CHKA: variants seen among roughly 807,000 people sequenced by gnomAD.
CHKA encodes CHETK-alpha.
In CHKA, 34 loss-of-function variants were observed where a neutral mutation model predicts 60.1. The observed-to-expected ratio is 0.57, with a 90% CI of 0.43 to 0.75. CHKA has a LOEUF of 0.75. Among genes scored for constraint, CHKA ranks in the 30% least tolerant of loss-of-function variants. CHKA has a pLI of 0.00. For missense variants in CHKA, 563 were observed against 561.3 expected (o/e 1.00, Z -0.03); for synonymous variants, 217 against 223.1 (o/e 0.97, Z 0.24).
intron 1 of CHKA, among the ~76,000 whole-genome samples, chr11:68,113,159 G>A (rs78747784): frequency 7.0e-6 from 1 of 143,152 alleles, no homozygotes; most frequent in African/African-American, 2.6e-5. Flanking sequence ...ATTTTAAAAT[G>A]GGCAAGAAGC....
At chr11:68,085,176 T>C (rs1467684428) in intron 2 of CHKA, among the ~76,000 whole-genome samples, 2 of 152,084 alleles carry the variant, frequency 1.3e-5, no homozygotes, top group East Asian at 3.8e-4. Context: ...ACAGCATTAA[T>C]AAAGGAGGCA....
chr11:68,053,661 ACT>A lies in CHKA; in HGVS notation c.*325_*326del, dbSNP rs1296269642. ...AAAGTACCTGCAAGTAACACTGCTT[ACT>A]CTTGCTGTTTGCCTCATCTGACTGG... On this transcript the variant is annotated 3_prime_UTR_variant, in exon 12 of 12. Transcript: ENST00000265689. 2.4e-5 allele frequency: 7 copies of A among 292,148 alleles called. No homozygotes were observed. The highest frequency in any genetic ancestry group is 4.4e-5 in the African/African-American group (2 of 45,792). 18.1% of individuals were successfully genotyped at this position (292,148 alleles called of 1,614,324 possible). A position where few individuals can be genotyped will look rare whatever the true frequency, so the allele number is the denominator to read the frequency against.
chr11:68,118,535 T>C lies in CHKA; in HGVS notation c.350+2293A>G, dbSNP rs546301968. 9.8e-5 allele frequency among the ~76,000 whole-genome samples: 15 copies of C among 152,352 alleles called. No individual in the cohort carries two copies. The East Asian group carries it at 2.9e-3, about 29-fold the overall frequency. ...ACTGCAACTGCCTATGGAGAATCAC[T>C]GAATTTCAACCAGACGAATTCCTCT... On this transcript the variant is annotated intron_variant, in intron 1 of 11. Coordinates refer to ENST00000265689, the MANE Select transcript of CHKA (RefSeq NM_001277.3).
intron 1 of CHKA, among the ~76,000 whole-genome samples, chr11:68,115,970 A>G (rs1858368996): frequency 2.0e-5 from 3 of 152,236 alleles, no homozygotes; most frequent in African/African-American, 2.4e-5. Context: ...TGATGGCACC[A>G]TAAGACACAA....
rs187291649 is a variant in CHKA at position 68,059,534 on chromosome 11, A to G, written c.1314+2419T>C. Among the ~76,000 whole-genome samples the G allele has an allele frequency of 3.9e-3, 590 of 152,348 alleles. 4 individuals carry two copies. Among genetic ancestry groups the G allele is most frequent in the African/African-American group, 0.014 (562 of 41,570 alleles). ...TGGAATATAAACATTTAAGCTACAA[A>G]GCCGTAAGTTTCTAGATACTGCTTT... On this transcript the variant is annotated intron_variant, in intron 11 of 11. Coordinates refer to ENST00000265689, the MANE Select transcript of CHKA (RefSeq NM_001277.3).
intron 11 of CHKA, among the ~76,000 whole-genome samples, chr11:68,060,844 C>A (rs1459172221): frequency 6.6e-6 from 1 of 152,038 alleles, no homozygotes; most frequent in Non-Finnish European, 1.5e-5. Context: ...ATCCAATGTC[C>A]CCTTCTTTTA....
chr11:68,054,318 A>C (rs1041403187), intron 11 of CHKA, among the ~76,000 whole-genome samples: 3 of 152,168 alleles, frequency 2.0e-5, no homozygotes, highest in African/African-American at 7.2e-5. Flanking sequence ...CTCAGGATGA[A>C]CGTCTCATCC....
intron 2 of CHKA, among the ~76,000 whole-genome samples, chr11:68,096,280 G>A (rs1017905096): frequency 3.9e-5 from 6 of 152,078 alleles, no homozygotes; most frequent in Admixed American, 2.0e-4. Context: ...AGAATCACTT[G>A]AACCCGGGAG....
intron 7 of CHKA, among the ~76,000 whole-genome samples, chr11:68,067,872 G>T (rs1413504324): frequency 6.6e-6 from 1 of 152,202 alleles, no homozygotes; most frequent in Non-Finnish European, 1.5e-5. Context: ...AATGGCTTAT[G>T]GATGACGAGT....
chr11:68,110,245 C>T (rs1348296299), intron 1 of CHKA, among the ~76,000 whole-genome samples: 2 of 152,046 alleles, frequency 1.3e-5, no homozygotes, highest in African/African-American at 4.8e-5. Context: ...CCACTTTTTT[C>T]CAACATCATA....
chr11:68,062,053 G>A lies in CHKA; in HGVS notation c.1233-19C>T. ...GGCAAACCTGGAATGATAAAAGCAA[G>A]AAACATATAAGAGACATACAGTATC... On this transcript the variant is annotated intron_variant, in intron 10 of 11. Coordinates refer to ENST00000265689, the MANE Select transcript of CHKA (RefSeq NM_001277.3). 6.6e-7 allele frequency: 1 copy of A among 1,519,446 alleles called. No homozygotes were observed. 94.1% of individuals were successfully genotyped at this position (1,519,446 alleles called of 1,614,324 possible).
rs1272902805 is a variant in CHKA at position 68,066,578 on chromosome 11, G to A, written c.929-62C>T. On this transcript the variant is annotated intron_variant, in intron 7 of 11. Coordinates refer to ENST00000265689, the MANE Select transcript of CHKA (RefSeq NM_001277.3). ...AATAGAAGGCTCAAGTCCTTGAACAGCAGAGCCGAGAGAATGGATTTGATC... is the reference window on the plus strand; with the variant it reads ...AATAGAAGGCTCAAGTCCTTGAACAACAGAGCCGAGAGAATGGATTTGATC... The A allele has an allele frequency of 9.5e-6, 12 of 1,259,852 alleles. No homozygotes were observed. The Admixed American group carries it at 2.1e-4, about 22-fold the overall frequency. 78.0% of individuals were successfully genotyped at this position (1,259,852 alleles called of 1,614,324 possible).
Position 68,064,530 on chromosome 11 carries a change from A to C in CHKA, c.1227T>G (p.Val409=). The change falls in exon 10 of 12, where the codon GTT becomes GTG. Residue 409 remains valine (V), a synonymous_variant. Coordinates refer to ENST00000265689, the MANE Select transcript of CHKA (RefSeq NM_001277.3). The stretch of plus-strand genomic sequence containing the variant: ...CAAAAAAGGAAAAATGTTACCTATT[A>C]ACTTCAAGCAACATTTCTTCTTTTA... ...SIIKEEMLLE[V]NRFALASHFL... 1 of 1,509,686 alleles carries C rather than the reference A, an allele frequency of 6.6e-7. No homozygotes were observed. Among genetic ancestry groups the C allele is most frequent in the African/African-American group, 1.4e-5 (1 of 71,346 alleles). 93.5% of individuals were successfully genotyped at this position (1,509,686 alleles called of 1,614,324 possible).
rs1856569206 is a variant in CHKA, at chr11:68,070,215, A to G, written c.843T>C (p.Asn281=). ...IKKLHKLLSY[N]LPLELENLRS... ...TCAGGTTTTCCAGTTCCAAGGGCAG[A>G]TTGTAACTGAGCAATTTGTGGAGCT... is the stretch of plus-strand genomic sequence containing the variant. Residue 281 remains asparagine (N), a synonymous_variant, in exon 6 of 12, where the codon AAT becomes AAC. Coordinates refer to ENST00000265689, the MANE Select transcript of CHKA (RefSeq NM_001277.3). 1.2e-6 allele frequency: 2 copies of G among 1,613,784 alleles called. No homozygotes were observed.
At chr11:68,110,951 TCACGCCACTGCACTC>T (rs1040359630) in intron 1 of CHKA, among the ~76,000 whole-genome samples, 79 of 147,608 alleles carry the variant, frequency 5.4e-4, no homozygotes, top group Admixed American at 1.6e-3. Context: ...TGAGCTGGGA[TCACGCCACTGCACTC>T]CAGCCTGGGC....
intron 1 of CHKA, among the ~76,000 whole-genome samples, chr11:68,099,684 G>A (rs151027705): frequency 1.1e-4 from 17 of 152,246 alleles, no homozygotes; most frequent in East Asian, 7.7e-4. Flanking sequence ...TCCCCCTGCC[G>A]CGTCTGGTCA....
intron 6 of CHKA, among the ~76,000 whole-genome samples, chr11:68,069,669 C>T (rs1038403275): frequency 1.4e-5 from 2 of 147,670 alleles, no homozygotes; most frequent in African/African-American, 5.0e-5. Flanking sequence ...GGCAACAAAG[C>T]GAGACTCCGT....
chr11:68,086,636 T>G (rs1857185087), intron 2 of CHKA, among the ~76,000 whole-genome samples: 1 of 152,212 alleles, frequency 6.6e-6, no homozygotes. Flanking sequence ...CTGTGTATAG[T>G]AAGAATGGGT....
intron 10 of CHKA, among the ~76,000 whole-genome samples, chr11:68,063,184 G>A (rs1284738405): frequency 1.3e-5 from 2 of 152,070 alleles, no homozygotes; most frequent in African/African-American, 2.4e-5. Flanking sequence ...TATGGTGGCC[G>A]CCACTCCAGA....
Sources: gnomAD v4.1 joint callset for allele counts (sites outside exome capture counted in the v4.1 genomes callset) on GRCh38, gnomAD v4.1.1 for gene constraint, MANE v1.5 for transcripts, NCBI Gene and HGNC (gene_info 2026-07-23, HGNC 2026-07-21) for gene names.